Variants in CCNB1IP1 observed in about 807,000 individuals in gnomAD.
CCNB1IP1 encodes the protein E3 ubiquitin-protein ligase CCNB1IP1.
Under a neutral mutation model 25.6 loss-of-function variants are expected in CCNB1IP1, and 14 were observed. That is an observed-to-expected ratio of 0.55 (90% CI 0.36 to 0.85). The LOEUF is 0.85. CCNB1IP1 is among the 40% of genes least tolerant of loss of function. CCNB1IP1 has a pLI of 0.01. For synonymous variants in CCNB1IP1, 119 were observed against 116.1 expected, an observed-to-expected ratio of 1.02 and a Z score of -0.16; for missense variants, 278 against 342.4, an observed-to-expected ratio of 0.81 and a Z score of 1.48.
intron 6 of CCNB1IP1, among the ~76,000 whole-genome samples, chr14:20,313,012 G>A (rs1172521904): frequency 6.6e-6 from 1 of 152,142 alleles, no homozygotes; most frequent in Non-Finnish European, 1.5e-5. Flanking sequence ...TATAGGCTCT[G>A]AAAACAGGTT....
chr14:20,325,610 AC>A lies in CCNB1IP1; in HGVS notation c.-110del, dbSNP rs1445336481. The A allele has an allele frequency of 6.6e-6, 1 of 152,140 alleles. No individual in the cohort carries two copies. 9.4% of individuals were successfully genotyped at this position (152,140 alleles called of 1,614,324 possible). On this transcript the variant is annotated 5_prime_UTR_variant, in exon 4 of 7. Coordinates refer to ENST00000358932, the MANE Select transcript of CCNB1IP1 (RefSeq NM_021178.5). The stretch of plus-strand genomic sequence containing the variant: ...CAGCACCAAAGAGGTCCAGACTGGA[AC>A]AGCGAAACTCAGATCTGGTTTCAGT...
intron 4 of CCNB1IP1, among the ~76,000 whole-genome samples, chr14:20,325,245 C>A (rs1209204551): frequency 3.1e-4 from 47 of 150,850 alleles, no homozygotes; most frequent in Admixed American, 3.1e-3. Flanking sequence ...AACGGTGAAA[C>A]CCCGTCTCTA....
chr14:20,320,353 T>C (rs1882850757), intron 4 of CCNB1IP1: 1 of 455,962 alleles, frequency 2.2e-6, no homozygotes, highest in East Asian at 6.9e-5. Flanking sequence ...TTCCAACAAC[T>C]TCAGTATTTG....
chr14:20,321,486 T>C (rs908168406), intron 4 of CCNB1IP1, among the ~76,000 whole-genome samples: 2 of 151,682 alleles, frequency 1.3e-5, no homozygotes. Flanking sequence ...GGAGTCTTGC[T>C]CTGTCACCCA....
intron 6 of CCNB1IP1, 96 bp from the exon 7 acceptor site, chr14:20,311,848 A>T: frequency 1.6e-6 from 1 of 632,994 alleles, no homozygotes; most frequent in Non-Finnish European, 2.4e-6. Flanking sequence ...ATGAATATAT[A>T]TTTTTTCTCC....
Position 20,311,587 on chromosome 14 carries a change from T to TG in CCNB1IP1, c.796dup (p.Gln266ProfsTer4). ...TACTTTGAAGGCCCTGCTAGAAACT[T>TG]GCTGCTGCTCTAATTCACGACTTGG... is the stretch of plus-strand genomic sequence containing the variant. On this transcript the variant is annotated frameshift_variant, in exon 7 of 7. Coordinates refer to ENST00000358932, the MANE Select transcript of CCNB1IP1 (RefSeq NM_021178.5). LOFTEE classifies it high-confidence loss of function. The TG allele has an allele frequency of 6.2e-7, 1 of 1,613,890 alleles. No individual in the cohort carries two copies. The highest frequency in any genetic ancestry group is 8.5e-7 in the Non-Finnish European group (1 of 1,179,978).
intron 2 of CCNB1IP1, among the ~76,000 whole-genome samples, chr14:20,328,264 T>C (rs1460858105): frequency 2.6e-5 from 4 of 152,210 alleles, no homozygotes; most frequent in Non-Finnish European, 4.4e-5. Flanking sequence ...TACTCTTCAA[T>C]TCACCATGGT....
At chr14:20,321,091 C>A (rs1279110219) in intron 4 of CCNB1IP1, among the ~76,000 whole-genome samples, 2 of 150,566 alleles carry the variant, frequency 1.3e-5, no homozygotes, top group Admixed American at 1.3e-4. Context: ...GAGCCGAGAT[C>A]ACACCATTGC....
chr14:20,312,866 A>T (rs1030005870), intron 6 of CCNB1IP1, among the ~76,000 whole-genome samples: 1 of 152,222 alleles, frequency 6.6e-6, no homozygotes, highest in African/African-American at 2.4e-5. Context: ...TATTTGCTAA[A>T]TATTTGATAA....
At chr14:20,320,609 G>A (rs1051862173) in intron 4 of CCNB1IP1, among the ~76,000 whole-genome samples, 5 of 152,024 alleles carry the variant, frequency 3.3e-5, no homozygotes, top group African/African-American at 1.2e-4. Flanking sequence ...TTTGAGTCCA[G>A]CCTGGCCAAC....
intron 5 of CCNB1IP1, chr14:20,315,375 G>T: frequency 3.5e-6 from 2 of 578,062 alleles, no homozygotes; most frequent in Non-Finnish European, 4.6e-6. Flanking sequence ...CAATTTGGCA[G>T]TTGCTTACAA....
At chr14:20,317,879 T>G (rs1882763723) in intron 4 of CCNB1IP1, 1 of 152,228 alleles carries the variant, frequency 6.6e-6, no homozygotes, top group Non-Finnish European at 1.5e-5. Flanking sequence ...TGCGAGCGAG[T>G]GCTTCAGGGA....
At chr14:20,330,566 T>C (rs1162077622) in intron 1 of CCNB1IP1, 2 of 151,290 alleles carry the variant, frequency 1.3e-5, no homozygotes, top group African/African-American at 2.4e-5. Flanking sequence ...ATAGTACTCA[T>C]AAGGGCCCTT....
At chr14:20,330,499 T>C (rs1339885092) in intron 1 of CCNB1IP1, 1 of 152,104 alleles carries the variant, frequency 6.6e-6, no homozygotes, top group Non-Finnish European at 1.5e-5. Context: ...AAAAACAAAT[T>C]TAACAACAAA....
chr14:20,311,638 C>G lies in CCNB1IP1; in HGVS notation c.746G>C (p.Ser249Thr), dbSNP rs1218722075. 1 of 1,614,140 alleles carries G rather than the reference C, an allele frequency of 6.2e-7. No homozygotes were observed. The highest frequency in any genetic ancestry group is 1.7e-5 in the Admixed American group (1 of 60,014). ...FAGSPTAPEP[S>T]NSFFSFVSPS... ...AGAGACAAAACTAAAAAAGCTGTTG[C>G]TGGGTTCAGGTGCTGTGGGAGAACC... The change falls in exon 7 of 7, where the codon AGC becomes ACC. Residue 249 changes from serine (S) to threonine (T), a missense_variant. Ser to Thr is a moderately conservative substitution (Grantham distance 58, BLOSUM62 1). Coordinates refer to ENST00000358932, the MANE Select transcript of CCNB1IP1 (RefSeq NM_021178.5).
At chr14:20,312,639 A>G (rs61995508) in intron 6 of CCNB1IP1, among the ~76,000 whole-genome samples, 7,653 of 152,112 alleles carry the variant, frequency 0.05, 262 homozygotes, top group Middle Eastern at 0.1. Flanking sequence ...AATTTCCATT[A>G]ATAGCATAGC....
At chr14:20,318,566 AGT>A (rs1351747283) in intron 4 of CCNB1IP1, 1 of 152,096 alleles carries the variant, frequency 6.6e-6, no homozygotes, top group Non-Finnish European at 1.5e-5. Flanking sequence ...AACTGCTAGC[AGT>A]GTTTAAATGA....
At chr14:20,312,242 T>A (rs1310654795) in intron 6 of CCNB1IP1, among the ~76,000 whole-genome samples, 1 of 152,096 alleles carries the variant, frequency 6.6e-6, no homozygotes, top group Non-Finnish European at 1.5e-5. Context: ...GACAAAAAAA[T>A]AAGTATATCT....
At chr14:20,313,332 G>T in intron 6 of CCNB1IP1, 136 bp downstream of exon 6, 1 of 589,602 alleles carries the variant, frequency 1.7e-6, no homozygotes, top group Non-Finnish European at 2.9e-6. Flanking sequence ...TGAAACATGG[G>T]TGAAGAATTC....
Sources: gnomAD v4.1 joint callset for allele counts (sites outside exome capture counted in the v4.1 genomes callset) on GRCh38, gnomAD v4.1.1 for gene constraint, MANE v1.5 for transcripts, NCBI Gene and HGNC (gene_info 2026-07-23, HGNC 2026-07-21) for gene names.